The following CLMN variants were observed in gnomAD, a reference collection of about 807,000 sequenced individuals.
CLMN encodes calmin.
A neutral mutation model predicts 92.7 loss-of-function variants in CLMN; 57 were observed. That is an observed-to-expected ratio of 0.61 (90% CI 0.50 to 0.77). The LOEUF (loss-of-function observed/expected upper bound fraction) is 0.77, where lower values mean the gene tolerates loss of function less well. CLMN is among the 30% of genes least tolerant of loss of function. CLMN has a pLI of 0.00. For missense variants in CLMN, 1,158 were observed against 1,237.5 expected, an observed-to-expected ratio of 0.94 and a Z score of 0.96; for synonymous variants, 466 against 470.6, an observed-to-expected ratio of 0.99 and a Z score of 0.13.
intron 2 of CLMN, among the ~76,000 whole-genome samples, chr14:95,227,283 C>G (rs1471616268): frequency 6.6e-6 from 1 of 152,138 alleles, no homozygotes; most frequent in Non-Finnish European, 1.5e-5. Context: ...CCCAGTTAGT[C>G]AAAATACAGG....
chr14:95,195,291 C>A lies in CLMN; in HGVS notation c.2709-695G>T, dbSNP rs551138430. ...GTGCTCACCTGCACTGACAGCAGAG[C>A]CCAGCGACATGAGAAGATCATAGAT... On this transcript the variant is annotated intron_variant, in intron 10 of 12. Transcript: ENST00000298912. 4.6e-5 allele frequency among the ~76,000 whole-genome samples: 7 copies of A among 152,334 alleles called. No homozygotes were observed. The East Asian group carries it at 7.7e-4, about 17-fold the overall frequency.
At chr14:95,312,115 C>A (rs1350422350) in intron 1 of CLMN, among the ~76,000 whole-genome samples, 1 of 152,100 alleles carries the variant, frequency 6.6e-6, no homozygotes, top group Non-Finnish European at 1.5e-5. Context: ...GTGCAAATGT[C>A]CCCCTCAAGA....
intron 5 of CLMN, 67 bp from the exon 6 acceptor site, chr14:95,213,476 C>T (rs947021948): frequency 4.3e-5 from 64 of 1,481,998 alleles, no homozygotes; most frequent in Admixed American, 6.8e-5. Context: ...CCTTGTCTGG[C>T]GGGTGGCCAT....
chr14:95,226,401 C>T (rs1175177472), intron 2 of CLMN, among the ~76,000 whole-genome samples: 1 of 151,924 alleles, frequency 6.6e-6, no homozygotes, highest in Non-Finnish European at 1.5e-5. Context: ...TTTTTATCTG[C>T]TGTTGGTTGA....
At chr14:95,223,587 A>ATT in intron 3 of CLMN, among the ~76,000 whole-genome samples, 173 bp downstream of exon 3, 2 of 152,232 alleles carry the variant, frequency 1.3e-5, no homozygotes, top group African/African-American at 4.8e-5. Context: ...CTTAAAAAAA[A>ATT]AAGTACTAGT....
At chr14:95,245,211 T>TATATATATAATATATATATATATA (rs1898453555) in intron 1 of CLMN, among the ~76,000 whole-genome samples, 3 of 21,778 alleles carry the variant, frequency 1.4e-4, no homozygotes, top group South Asian at 3.5e-3. Context: ...ATATATATTA[T>TATATATATAATATATATATATATA]ATATATATAT....
chr14:95,290,605 C>A lies in CLMN; in HGVS notation c.82+29106G>T, dbSNP rs117984595. ...ACTAAAACAGGCAAGGCAACAGATT[C>A]TCTCCTGGGGCCTTCAGAAGGAACG... On this transcript the variant is annotated intron_variant, in intron 1 of 12. Coordinates refer to ENST00000298912, the MANE Select transcript of CLMN (RefSeq NM_024734.4). 8.5e-3 allele frequency among the ~76,000 whole-genome samples: 1,300 copies of A among 152,298 alleles called. 32 individuals are homozygous for A. Among genetic ancestry groups the A allele is most frequent in the Middle Eastern group, 6.8e-3 (2 of 294 alleles).
chr14:95,286,067 G>A (rs1900329799), intron 1 of CLMN, among the ~76,000 whole-genome samples: 1 of 152,164 alleles, frequency 6.6e-6, no homozygotes, highest in Admixed American at 6.5e-5. Context: ...ATGTCAGGCT[G>A]AAAAACTTCT....
intron 1 of CLMN, among the ~76,000 whole-genome samples, chr14:95,276,103 C>T (rs555087115): frequency 2.6e-5 from 4 of 152,278 alleles, no homozygotes; most frequent in South Asian, 2.1e-4. Context: ...TGGCAAACCA[C>T]GAAGGGGTGA....
intron 3 of CLMN, among the ~76,000 whole-genome samples, chr14:95,222,809 T>C (rs553340345): frequency 8.5e-5 from 13 of 152,272 alleles, no homozygotes; most frequent in Non-Finnish European, 1.6e-4. Context: ...AAAGGTGGGA[T>C]GGTTAAGAGG....
rs1415603782 is a variant in CLMN, at chr14:95,194,791, T to C, written c.2709-195A>G. ...ACAGTGCTTACAAATAGGATGGATA[T>C]TAGTGATACACACATTGGGCCCTCA... On this transcript the variant is annotated intron_variant, in intron 10 of 12. Coordinates refer to ENST00000298912, the MANE Select transcript of CLMN (RefSeq NM_024734.4). This position sits in a 1 kb window ranked among gnomAD's most constrained non-coding sequence, Gnocchi z 4.0. Among the ~76,000 whole-genome samples the C allele has an allele frequency of 1.3e-5, 2 of 152,220 alleles. No individual in the cohort carries two copies. Among genetic ancestry groups the C allele is most frequent in the African/African-American group, 4.8e-5 (2 of 41,460 alleles).
intron 1 of CLMN, among the ~76,000 whole-genome samples, chr14:95,261,351 C>T (rs144945659): frequency 1.3e-5 from 2 of 152,342 alleles, no homozygotes; most frequent in East Asian, 1.9e-4. Flanking sequence ...TGCGCACCTC[C>T]GTGAAAGACG....
rs1046470558 is a variant in CLMN, at chr14:95,185,174, C to T, written c.*6390G>A. ...GCCCAAAGATACAGGTGTCTGCACA[C>T]GATGGAAATGGAACCTGTGCAAAGT... On this transcript the variant is annotated 3_prime_UTR_variant, in exon 13 of 13. Transcript: ENST00000298912. 2.0e-5 allele frequency: 3 copies of T among 152,234 alleles called. No homozygotes were observed. Among genetic ancestry groups the T allele is most frequent in the South Asian group, 2.1e-4 (1 of 4,816 alleles). The allele number at this position is 152,234 out of a possible 1,614,324, so 9.4% of individuals were successfully genotyped here.
At chr14:95,273,627 G>C (rs1014926337) in intron 1 of CLMN, among the ~76,000 whole-genome samples, 2 of 152,122 alleles carry the variant, frequency 1.3e-5, no homozygotes, top group African/African-American at 4.8e-5. Flanking sequence ...TTCTGCACCC[G>C]GCCCCTGCAG....
At chr14:95,213,467 C>T in intron 5 of CLMN, 58 bp from the exon 6 acceptor site, 3 of 1,519,326 alleles carry the variant, frequency 2.0e-6, no homozygotes, top group Non-Finnish European at 2.7e-6. Context: ...CAGCAAGCCC[C>T]TTGTCTGGCG....
In CLMN at chr14:95,218,251, G is replaced by C. The variant is rs755523230; in HGVS notation, c.325-2518C>G. On this transcript the variant is annotated intron_variant, in intron 4 of 12. Coordinates refer to ENST00000298912, the MANE Select transcript of CLMN (RefSeq NM_024734.4). ...AGTGATGACAGCCATCCCGAGAATGGAGAGTGCTTTTCACAGGTCAGTTCC... is the reference window on the plus strand; with the variant it reads ...AGTGATGACAGCCATCCCGAGAATGCAGAGTGCTTTTCACAGGTCAGTTCC... Among the ~76,000 whole-genome samples, 9 of 152,192 alleles carry C rather than the reference G, an allele frequency of 5.9e-5. No homozygotes were observed. In the East Asian group the frequency reaches 1.5e-3, roughly 26 times the overall value.
chr14:95,283,411 C>G (rs1468960962), intron 1 of CLMN, among the ~76,000 whole-genome samples: 31 of 152,120 alleles, frequency 2.0e-4, no homozygotes, highest in Admixed American at 2.0e-3. Flanking sequence ...AAATTGGTAC[C>G]AGTAGAGTGC....
chr14:95,258,624 ATGTGTGG>A (rs1468134234), intron 1 of CLMN, among the ~76,000 whole-genome samples: 4 of 123,820 alleles, frequency 3.2e-5, no homozygotes, highest in Non-Finnish European at 6.6e-5. Context: ...GAAGGTGTGT[ATGTGTGG>A]TGTGTGGTGT....
intron 1 of CLMN, among the ~76,000 whole-genome samples, chr14:95,232,509 C>A (rs1352209166): frequency 1.3e-5 from 2 of 152,204 alleles, no homozygotes; most frequent in Admixed American, 6.5e-5. Context: ...ATATTTTTAA[C>A]TGAAGAACCA....
Sources: allele counts gnomAD v4.1 joint callset (sites outside exome capture counted in the v4.1 genomes callset), GRCh38; gene constraint gnomAD v4.1.1; non-coding constraint Gnocchi (gnomAD v3.1); transcripts MANE v1.5; gene names NCBI Gene and HGNC (gene_info 2026-07-23, HGNC 2026-07-21).